Variants in CNTN3 observed in about 807,000 individuals in gnomAD.
The protein encoded by CNTN3 is contactin 3.
A neutral mutation model predicts 119.1 loss-of-function variants in CNTN3; 60 were observed. The observed-to-expected ratio is 0.50, with a 90% CI of 0.41 to 0.62. The LOEUF (loss-of-function observed/expected upper bound fraction) is 0.62, where lower values mean the gene tolerates loss of function less well. Ranked by LOEUF, CNTN3 falls within the 20% of genes least tolerant of loss-of-function variation. CNTN3 has a pLI of 0.00. For synonymous variants in CNTN3, 450 were observed against 438.7 expected (o/e 1.03, Z -0.32); for missense variants, 1,101 against 1,242.4 (o/e 0.89, Z 1.71).
At chr3:74,360,150 A>G (rs780554842) in intron 11 of CNTN3, among the ~76,000 whole-genome samples, 7 of 152,208 alleles carry the variant, frequency 4.6e-5, no homozygotes, top group Non-Finnish European at 8.8e-5. Context: ...ACTTGTCTAA[A>G]TATACCTTTG....
At chr3:74,567,104 G>A (rs567548837) in intron 1 of CNTN3, among the ~76,000 whole-genome samples, 31 of 151,888 alleles carry the variant, frequency 2.0e-4, no homozygotes, top group Non-Finnish European at 4.3e-4. Context: ...CACATAATGC[G>A]TCTACCACAG....
At chr3:74,515,721 G>C (rs1289891283) in intron 2 of CNTN3, among the ~76,000 whole-genome samples, 4 of 152,024 alleles carry the variant, frequency 2.6e-5, no homozygotes, top group Admixed American at 6.6e-5. Context: ...GAAATTCCTA[G>C]CCAGTTGATC....
intron 4 of CNTN3, among the ~76,000 whole-genome samples, chr3:74,464,935 C>A (rs906426183): frequency 1.3e-5 from 2 of 152,158 alleles, no homozygotes; most frequent in African/African-American, 4.8e-5. Flanking sequence ...GTTGGTGCTA[C>A]ACACTTTCTA....
At chr3:74,294,720 G>A (rs1702300858) in intron 19 of CNTN3, among the ~76,000 whole-genome samples, 1 of 151,910 alleles carries the variant, frequency 6.6e-6, no homozygotes, top group Non-Finnish European at 1.5e-5. Context: ...GGCTTCTCTA[G>A]AGCCTATAAA....
chr3:74,364,800 C>T (rs1460213241), intron 9 of CNTN3, among the ~76,000 whole-genome samples: 1 of 152,220 alleles, frequency 6.6e-6, no homozygotes, highest in Non-Finnish European at 1.5e-5. Flanking sequence ...TATGAATTAG[C>T]ATCCTTCAAT....
At chr3:74,361,295 T>C (rs1480325144) in intron 11 of CNTN3, among the ~76,000 whole-genome samples, 2 of 152,050 alleles carry the variant, frequency 1.3e-5, no homozygotes, top group Non-Finnish European at 2.9e-5. Flanking sequence ...CACTAACAAA[T>C]AAGGGAATGA....
intron 13 of CNTN3, among the ~76,000 whole-genome samples, chr3:74,323,421 G>A (rs115734899): frequency 0.018 from 2,810 of 152,262 alleles, 106 homozygotes; most frequent in African/African-American, 0.063. Flanking sequence ...GTAGATCGGT[G>A]GTTGCCTCTG....
chr3:74,308,820 C>T (rs1702618371), intron 13 of CNTN3, among the ~76,000 whole-genome samples: 1 of 152,032 alleles, frequency 6.6e-6, no homozygotes, highest in African/African-American at 2.4e-5. Flanking sequence ...AACTGATTAA[C>T]TTTCTTCAAC....
intron 5 of CNTN3, among the ~76,000 whole-genome samples, chr3:74,374,720 C>T: frequency 6.6e-6 from 1 of 152,144 alleles, no homozygotes; most frequent in East Asian, 1.9e-4. Context: ...TTCACCATCT[C>T]CATGGGCCAA....
At chr3:74,426,310 C>T (rs1701694642) in intron 4 of CNTN3, among the ~76,000 whole-genome samples, 2 of 152,174 alleles carry the variant, frequency 1.3e-5, no homozygotes, top group Admixed American at 1.3e-4. Flanking sequence ...AGAATATACT[C>T]ACTTCATAGC....
chr3:74,410,962 T>A (rs1483400202), intron 5 of CNTN3, among the ~76,000 whole-genome samples: 2 of 152,106 alleles, frequency 1.3e-5, no homozygotes, highest in African/African-American at 4.8e-5. Context: ...TGAATCTGAA[T>A]AAATTCAGGC....
intron 2 of CNTN3, among the ~76,000 whole-genome samples, chr3:74,508,561 T>A (rs1415986940): frequency 6.6e-6 from 1 of 152,148 alleles, no homozygotes; most frequent in Non-Finnish European, 1.5e-5. Flanking sequence ...AGCATACAAC[T>A]GATAAACATA....
chr3:74,464,433 G>A (rs1373684396), intron 4 of CNTN3, among the ~76,000 whole-genome samples: 2 of 152,092 alleles, frequency 1.3e-5, no homozygotes, highest in Admixed American at 6.6e-5. Flanking sequence ...TATAAAAGCA[G>A]AAATGTATAA....
At position 74,302,806 on chromosome 3, in the gene CNTN3, C is replaced by T; in HGVS notation, c.1670G>A (p.Ser557Asn). 1 of 1,593,356 alleles carries T rather than the reference C, an allele frequency of 6.3e-7. No individual in the cohort carries two copies. Among genetic ancestry groups the T allele is most frequent in the Non-Finnish European group, 8.6e-7 (1 of 1,162,022 alleles). ...TCTGATCATTAAATCACCAGATGAA[C>T]TCTGTTGGGAAAACAGGTAATGAAT... ...DGSHFEKVGG[S>N]SSGDLMIRNI... The change falls in exon 14 of 23, where the codon AGT (serine) becomes AAT (asparagine). Residue 557 changes from serine (S) to asparagine (N), a missense_variant and splice_region_variant. Coordinates refer to ENST00000263665, the MANE Select transcript of CNTN3 (RefSeq NM_020872.3).
chr3:74,538,003 T>TA (rs1377601467), intron 1 of CNTN3, among the ~76,000 whole-genome samples: 1 of 152,110 alleles, frequency 6.6e-6, no homozygotes, highest in Non-Finnish European at 1.5e-5. Flanking sequence ...CCCATCCTTC[T>TA]AAGTCTTGCT....
intron 1 of CNTN3, among the ~76,000 whole-genome samples, chr3:74,556,936 T>C (rs1344530870): frequency 4.6e-5 from 7 of 152,236 alleles, no homozygotes; most frequent in Non-Finnish European, 1.5e-5. Flanking sequence ...TTTGTATATC[T>C]TCCTTGGAGA....
chr3:74,326,129 CTCTG>C (rs1450168532), intron 13 of CNTN3, among the ~76,000 whole-genome samples: 2 of 152,100 alleles, frequency 1.3e-5, no homozygotes, highest in Non-Finnish European at 2.9e-5. Context: ...CTTTCCCCCT[CTCTG>C]TCTGTCATTA....
intron 1 of CNTN3, among the ~76,000 whole-genome samples, chr3:74,582,722 C>A (rs76857241): frequency 2.5e-3 from 376 of 151,910 alleles, no homozygotes; most frequent in East Asian, 0.019. Flanking sequence ...CCCAACCTTG[C>A]TGGTAGGAAT....
chr3:74,289,397 G>A (rs1205436844), intron 19 of CNTN3, among the ~76,000 whole-genome samples: 2 of 152,146 alleles, frequency 1.3e-5, no homozygotes, highest in Non-Finnish European at 2.9e-5. Context: ...ATTTCAACCT[G>A]TAATTAATTT....
Sources: gnomAD v4.1 joint callset for allele counts (sites outside exome capture counted in the v4.1 genomes callset) on GRCh38, gnomAD v4.1.1 for gene constraint, MANE v1.5 for transcripts, NCBI Gene and HGNC (gene_info 2026-07-23, HGNC 2026-07-21) for gene names.